Variants in RERE observed in about 807,000 individuals in gnomAD.
RERE encodes the protein arginine-glutamic acid dipeptide repeats protein.
In RERE, 40 loss-of-function variants were observed where a neutral mutation model predicts 146.1. The observed-to-expected ratio is 0.27, with a 90% CI of 0.21 to 0.36. The LOEUF is 0.36. Among genes scored for constraint, RERE ranks in the 10% least tolerant of loss-of-function variants. The probability of loss-of-function intolerance (pLI) is 1.00; values close to 1 mark genes in which losing one functional copy is unlikely to be tolerated. For missense variants in RERE, 1,933 were observed against 2,138.7 expected, an observed-to-expected ratio of 0.90 and a Z score of 1.90; for synonymous variants, 1,003 against 866.0, an observed-to-expected ratio of 1.16 and a Z score of -2.78.
chr1:8,770,381 C>G (rs1640921812), intron 1 of RERE, among the ~76,000 whole-genome samples: 1 of 152,044 alleles, frequency 6.6e-6, no homozygotes, highest in Non-Finnish European at 1.5e-5. Flanking sequence ...AGGGCCTTAC[C>G]TTCTCAATAA....
chr1:8,411,405 G>A (rs1229145680), intron 12 of RERE, among the ~76,000 whole-genome samples: 1 of 151,294 alleles, frequency 6.6e-6, no homozygotes, highest in Admixed American at 6.6e-5. Context: ...CTCCCAGGTA[G>A]TTGGAACTAT....
chr1:8,662,410 C>T (rs560867934), intron 1 of RERE, among the ~76,000 whole-genome samples: 6 of 152,350 alleles, frequency 3.9e-5, no homozygotes, highest in African/African-American at 1.2e-4. Flanking sequence ...TACAGCGGCT[C>T]ATGCCTATAA....
intron 1 of RERE, among the ~76,000 whole-genome samples, chr1:8,733,611 T>C (rs1477753043): frequency 5.3e-5 from 8 of 152,196 alleles, no homozygotes; most frequent in African/African-American, 1.9e-4. Flanking sequence ...CAGCAAGAAC[T>C]CTGCCAACCT....
At chr1:8,794,357 CAAAAAAAAAAAAAAA>C (rs34549021) in intron 1 of RERE, among the ~76,000 whole-genome samples, 1 of 40,556 alleles carries the variant, frequency 2.5e-5, no homozygotes. Flanking sequence ...GACTCCGTCT[CAAAAAAAAAAAAAAA>C]AAAAAAAAAG....
intron 12 of RERE, among the ~76,000 whole-genome samples, chr1:8,386,133 T>A (rs1642674763): frequency 1.4e-5 from 2 of 146,882 alleles, no homozygotes; most frequent in Non-Finnish European, 3.0e-5. Flanking sequence ...TTTTATAAAT[T>A]TCATGAATAC....
At chr1:8,607,568 C>T (rs1335500260) in intron 4 of RERE, among the ~76,000 whole-genome samples, 5 of 44,332 alleles carry the variant, frequency 1.1e-4, no homozygotes, top group East Asian at 4.0e-3. Context: ...TTTTTTGAGA[C>T]GGAGTCTCGC....
chr1:8,464,098 T>A (rs1644563263), intron 11 of RERE, among the ~76,000 whole-genome samples: 1 of 152,266 alleles, frequency 6.6e-6, no homozygotes, highest in African/African-American at 2.4e-5. Context: ...CTAAACATTT[T>A]AAAATGTTTA....
intron 8 of RERE, among the ~76,000 whole-genome samples, chr1:8,503,765 T>C (rs1454836311): frequency 6.6e-6 from 1 of 152,174 alleles, no homozygotes; most frequent in Non-Finnish European, 1.5e-5. Context: ...TAGGAACTGT[T>C]TCAAGTAACT....
At chr1:8,397,451 A>G (rs1414806996) in intron 12 of RERE, among the ~76,000 whole-genome samples, 5 of 152,188 alleles carry the variant, frequency 3.3e-5, no homozygotes, top group African/African-American at 1.2e-4. Context: ...CCCCCAGAGA[A>G]TAAGTGGGAT....
chr1:8,430,911 G>A (rs928068518), intron 11 of RERE, among the ~76,000 whole-genome samples: 3 of 152,156 alleles, frequency 2.0e-5, no homozygotes, highest in South Asian at 4.1e-4. Flanking sequence ...CCATGCCAAT[G>A]GTAACAGAGT....
intron 4 of RERE, among the ~76,000 whole-genome samples, chr1:8,586,474 T>A (rs1646429720): frequency 6.6e-6 from 1 of 152,164 alleles, no homozygotes. Context: ...TATTCTACAA[T>A]CAAAAGGATT....
At chr1:8,485,188 C>A (rs1169975586) in intron 10 of RERE, among the ~76,000 whole-genome samples, 1 of 152,002 alleles carries the variant, frequency 6.6e-6, no homozygotes, top group Non-Finnish European at 1.5e-5. Flanking sequence ...ATGGAGAAAC[C>A]CCGTCTCTAC....
At chr1:8,554,592 T>C (rs555535579) in intron 6 of RERE, among the ~76,000 whole-genome samples, 61 of 150,012 alleles carry the variant, frequency 4.1e-4, no homozygotes, top group African/African-American at 1.4e-3. Context: ...GGAGGTAGGA[T>C]TGCCTGAGCC....
chr1:8,748,126 C>T (rs12024032), intron 1 of RERE, among the ~76,000 whole-genome samples: 81,989 of 151,950 alleles, frequency 0.54, 22,857 homozygotes, highest in East Asian at 0.83. Flanking sequence ...CACATAATTT[C>T]GTCTAAAGTT....
chr1:8,691,552 T>C (rs1044108404), intron 1 of RERE, among the ~76,000 whole-genome samples: 5 of 152,202 alleles, frequency 3.3e-5, no homozygotes, highest in African/African-American at 9.6e-5. Flanking sequence ...GAGTTCTTAA[T>C]GAGAGGGTTC....
chr1:8,599,350 A>G (rs914273488), intron 4 of RERE, among the ~76,000 whole-genome samples: 3 of 152,256 alleles, frequency 2.0e-5, no homozygotes, highest in African/African-American at 7.2e-5. Context: ...CGGGAAAAAC[A>G]TCAAGTTCAA....
At chr1:8,498,084 G>A (rs1156851913) in intron 8 of RERE, among the ~76,000 whole-genome samples, 1 of 152,268 alleles carries the variant, frequency 6.6e-6, no homozygotes, top group Non-Finnish European at 1.5e-5. Context: ...GTTGAGGCCA[G>A]GCCTGGTGGC....
chr1:8,711,095 T>C (rs1249843098), intron 1 of RERE, among the ~76,000 whole-genome samples: 1 of 131,110 alleles, frequency 7.6e-6, no homozygotes, highest in Non-Finnish European at 1.5e-5. Flanking sequence ...AGGCGGAGGC[T>C]GCTGTGAGCC....
At chr1:8,665,015 C>T (rs1260698810) in intron 1 of RERE, among the ~76,000 whole-genome samples, 2 of 152,122 alleles carry the variant, frequency 1.3e-5, no homozygotes, top group Middle Eastern at 3.4e-3. Flanking sequence ...ATCCTTTTTT[C>T]GCTTCATCTC....
Sources: allele counts gnomAD v4.1 joint callset (sites outside exome capture counted in the v4.1 genomes callset), GRCh38; gene constraint gnomAD v4.1.1; transcripts MANE v1.5; gene names NCBI Gene and HGNC (gene_info 2026-07-23, HGNC 2026-07-21).